Variants in RAB3GAP1 observed in about 807,000 individuals in gnomAD.
RAB3GAP1 encodes the protein RAB3 GTPase activating protein catalytic subunit 1.
A neutral mutation model predicts 130.7 loss-of-function variants in RAB3GAP1; 86 were observed. That is an observed-to-expected ratio of 0.66 (90% CI 0.55 to 0.79). The LOEUF (loss-of-function observed/expected upper bound fraction) is 0.79. RAB3GAP1 is among the 30% of genes least tolerant of loss of function. The pLI is 0.00. For missense variants in RAB3GAP1, 1,029 were observed against 1,169.4 expected (o/e 0.88, Z 1.75); for synonymous variants, 367 against 401.7 (o/e 0.91, Z 1.03).
chr2:135,139,678 GATAA>G (rs1691782876), intron 17 of RAB3GAP1, among the ~76,000 whole-genome samples: 1 of 152,020 alleles, frequency 6.6e-6, no homozygotes, highest in Non-Finnish European at 1.5e-5. Context: ...GAACAGTGCT[GATAA>G]ATAAAACTTT....
intron 5 of RAB3GAP1, among the ~76,000 whole-genome samples, chr2:135,096,620 T>C (rs1690302670): frequency 6.6e-6 from 1 of 152,220 alleles, no homozygotes; most frequent in Non-Finnish European, 1.5e-5. Context: ...GCATGAGCTT[T>C]GTATGCATTA....
At chr2:135,053,875 G>A (rs557095669) in intron 2 of RAB3GAP1, among the ~76,000 whole-genome samples, 27 of 152,202 alleles carry the variant, frequency 1.8e-4, no homozygotes, top group Non-Finnish European at 1.0e-4. Flanking sequence ...ACAATAGTTG[G>A]AGATATTTTC....
chr2:135,074,840 G>T (rs1240536492), intron 3 of RAB3GAP1, among the ~76,000 whole-genome samples: 1 of 152,250 alleles, frequency 6.6e-6, no homozygotes, highest in Non-Finnish European at 1.5e-5. Context: ...CAGAGAAGGG[G>T]CTGTCTACTA....
At chr2:135,118,467 TTTTTC>T (rs1691093629) in intron 7 of RAB3GAP1, among the ~76,000 whole-genome samples, 1 of 152,204 alleles carries the variant, frequency 6.6e-6, no homozygotes, top group Non-Finnish European at 1.5e-5. Flanking sequence ...TCATCTTTTC[TTTTTC>T]ATCTTAGACA....
chr2:135,112,231 C>T (rs1574120595), intron 5 of RAB3GAP1, among the ~76,000 whole-genome samples: 1 of 152,214 alleles, frequency 6.6e-6, no homozygotes, highest in East Asian at 1.9e-4. Flanking sequence ...CCGATACTGC[C>T]TTCCACAAGG....
rs888654738 is a variant in RAB3GAP1, at chr2:135,113,167, T to C, written c.379T>C (p.Phe127Leu). 5 of 1,614,050 alleles carry C rather than the reference T, an allele frequency of 3.1e-6. No homozygotes were observed. The African/African-American group carries it at 6.7e-5, about 22-fold the overall frequency. ...CLVRWYGLRE[F>L]VVIAPAAHSD... is the part of the protein sequence containing the mutation. ...TTTTTTAAGGTATGGGCTACGTGAG[T>C]TCGTGGTGATTGCCCCTGCTGCACA... The change falls in exon 6 of 24, where the codon TTC becomes CTC. Residue 127 changes from phenylalanine to leucine, a missense_variant. By Grantham distance (22) the Phe-to-Leu change is conservative. Around this residue, in one of 3 missense-constraint regions of RAB3GAP1, gnomAD observed 510 missense variants for 532.1 expected, o/e 0.96. Coordinates refer to ENST00000264158, the MANE Select transcript of RAB3GAP1 (RefSeq NM_012233.3).
rs147811543 is a variant in RAB3GAP1, at chr2:135,117,036, T to G, written c.648+1655T>G. Among the ~76,000 whole-genome samples the G allele has an allele frequency of 2.0e-5, 3 of 152,180 alleles. No individual in the cohort carries two copies. The East Asian group carries it at 5.8e-4, about 29-fold the overall frequency. ...TTATTACTAACTAGATAAATCCCTT[T>G]GATATTAAAAAAAAAATAATGCATT... On this transcript the variant is annotated intron_variant, in intron 7 of 23. Transcript: ENST00000264158.
chr2:135,056,457 G>GCT (rs1689015442), intron 2 of RAB3GAP1, among the ~76,000 whole-genome samples: 1 of 151,852 alleles, frequency 6.6e-6, no homozygotes, highest in South Asian at 2.1e-4. Context: ...ACCCGCCTCA[G>GCT]CTCCCAAAGT....
chr2:135,118,188 G>C (rs1691086187), intron 7 of RAB3GAP1, among the ~76,000 whole-genome samples: 2 of 152,062 alleles, frequency 1.3e-5, no homozygotes, highest in Admixed American at 1.3e-4. Context: ...ATGATCTTCA[G>C]ATCTTTTATG....
intron 15 of RAB3GAP1, among the ~76,000 whole-genome samples, chr2:135,134,393 A>G (rs1039255445): frequency 1.3e-5 from 2 of 152,204 alleles, no homozygotes; most frequent in Admixed American, 6.5e-5. Context: ...TTATGTTGCT[A>G]TATTTGTACA....
chr2:135,158,324 G>A (rs1692372772), intron 19 of RAB3GAP1, among the ~76,000 whole-genome samples: 1 of 151,978 alleles, frequency 6.6e-6, no homozygotes. Flanking sequence ...GGCAAGGAAG[G>A]TACAAGATGA....
intron 3 of RAB3GAP1, among the ~76,000 whole-genome samples, chr2:135,086,354 C>G (rs958321421): frequency 6.6e-6 from 1 of 151,974 alleles, no homozygotes; most frequent in African/African-American, 2.4e-5. Context: ...ATTTCAAGTT[C>G]CTCTGTGTTC....
At chr2:135,176,226 A>G (rs1037869992) in intron 24 of RAB3GAP1, 3 of 152,184 alleles carry the variant, frequency 2.0e-5, no homozygotes, top group Non-Finnish European at 4.4e-5. Context: ...GTACTACCCT[A>G]TGATCCAACC....
At chr2:135,141,250 A>T (rs1691831134) in intron 17 of RAB3GAP1, among the ~76,000 whole-genome samples, 1 of 138,650 alleles carries the variant, frequency 7.2e-6, no homozygotes. Context: ...TTTTTGAGAC[A>T]GTCTCACTCT....
intron 17 of RAB3GAP1, among the ~76,000 whole-genome samples, chr2:135,146,223 G>A (rs1191437720): frequency 6.4e-5 from 2 of 31,054 alleles, no homozygotes; most frequent in African/African-American, 3.2e-4. Context: ...TTTTTTTTTT[G>A]AGACAAGGTC....
chr2:135,150,332 G>C (rs774621496), intron 17 of RAB3GAP1, 37 bp from the exon 18 acceptor site: 27 of 1,613,042 alleles, frequency 1.7e-5, no homozygotes, highest in Non-Finnish European at 2.3e-5. Context: ...TTTCTAAAAA[G>C]GGCTGTTTAT....
intron 3 of RAB3GAP1, among the ~76,000 whole-genome samples, chr2:135,060,444 T>A (rs1368403363): frequency 6.6e-6 from 1 of 151,744 alleles, no homozygotes; most frequent in Non-Finnish European, 1.5e-5. Flanking sequence ...TATTTTTTAG[T>A]AGAGACGGGG....
At chr2:135,154,654 G>C (rs1231615505) in intron 19 of RAB3GAP1, among the ~76,000 whole-genome samples, 1 of 152,142 alleles carries the variant, frequency 6.6e-6, no homozygotes, top group Non-Finnish European at 1.5e-5. Context: ...CCCAGAAAGA[G>C]AGAGCCTAAC....
At chr2:135,129,904 A>T in intron 11 of RAB3GAP1, 91 bp from the exon 12 acceptor site, 1 of 868,006 alleles carries the variant, frequency 1.2e-6, no homozygotes, top group Admixed American at 2.3e-5. Context: ...ATCTTAGTTA[A>T]TAGCTTTTGT....
Sources: gnomAD v4.1 joint callset for allele counts (sites outside exome capture counted in the v4.1 genomes callset) on GRCh38, gnomAD v4.1.1 for gene constraint, gnomAD v4.1.1 regional missense constraint, MANE v1.5 for transcripts, NCBI Gene and HGNC (gene_info 2026-07-23, HGNC 2026-07-21) for gene names.